Variants in PAM observed in about 807,000 individuals in gnomAD.
PAM encodes peptidylglycine alpha-amidating monooxygenase.
PAM carries 72 observed loss-of-function variants against 122.1 expected under a neutral mutation model. That is an observed-to-expected ratio of 0.59 (90% confidence interval 0.49 to 0.72). The LOEUF is 0.72. Among genes scored for constraint, PAM ranks in the 30% least tolerant of loss-of-function variants. PAM has a pLI of 0.00. For missense variants in PAM, 1,106 were observed against 1,183.7 expected (o/e 0.93, Z 0.96); for synonymous variants, 389 against 404.4 (o/e 0.96, Z 0.46).
chr5:102,899,177 A>C (rs1261314964), intron 3 of PAM, among the ~76,000 whole-genome samples: 5 of 151,658 alleles, frequency 3.3e-5, no homozygotes, highest in Admixed American at 2.6e-4. Context: ...GACAAGTTGT[A>C]AGCCAAAAAA....
intron 23 of PAM, among the ~76,000 whole-genome samples, chr5:103,021,943 T>TA (rs1400284165): frequency 3.3e-5 from 5 of 152,048 alleles, no homozygotes; most frequent in African/African-American, 1.2e-4. Context: ...TAATTATTAT[T>TA]AAAAAGGTTT....
intron 1 of PAM, among the ~76,000 whole-genome samples, chr5:102,825,997 A>C (rs1418976792): frequency 6.6e-6 from 1 of 152,206 alleles, no homozygotes. Context: ...ATTACTTAAC[A>C]AAATAAAGCC....
chr5:102,835,988 A>C (rs912593901), intron 1 of PAM, among the ~76,000 whole-genome samples: 1 of 152,200 alleles, frequency 6.6e-6, no homozygotes, highest in East Asian at 1.9e-4. Context: ...CTTTCTAGTC[A>C]AAGGGAATAA....
intron 1 of PAM, among the ~76,000 whole-genome samples, chr5:102,802,908 A>G (rs1765154638): frequency 1.3e-5 from 2 of 152,112 alleles, no homozygotes; most frequent in Non-Finnish European, 2.9e-5. Context: ...ATGTTTAGGA[A>G]AGTCATGGAG....
chr5:102,930,680 T>G (rs1751176630), intron 7 of PAM, among the ~76,000 whole-genome samples: 1 of 152,222 alleles, frequency 6.6e-6, no homozygotes, highest in Non-Finnish European at 1.5e-5. Flanking sequence ...GTAACCTGAC[T>G]GGATTTTCAT....
At chr5:102,770,233 C>T (rs1242407981) in intron 1 of PAM, among the ~76,000 whole-genome samples, 5 of 152,116 alleles carry the variant, frequency 3.3e-5, no homozygotes, top group South Asian at 4.1e-4. Flanking sequence ...TGCAACTTTA[C>T]TGAATTTGTT....
chr5:103,005,189 A>G lies in PAM; in HGVS notation c.1766A>G (p.Asp589Gly), dbSNP rs146925861. 10 of 1,534,374 alleles carry G rather than the reference A, an allele frequency of 6.5e-6. No individual in the cohort carries two copies. In the African/African-American group the frequency reaches 1.2e-4, roughly 19 times the overall value. The change falls in exon 18 of 26, where the codon GAT (aspartate) becomes GGT (glycine). Residue 589 changes from aspartate to glycine, a missense_variant. This residue lies in a region of PAM where 103 missense variants were observed against 157.9 expected (regional missense o/e 0.65). Transcript: ENST00000438793. The part of the protein sequence containing the change: ...YLPHGLSIDK[D>G]GNYWVTDVAL... Reference sequence around the variant, plus strand: ...CCACATGGCTTGAGTATAGATAAAGATGGGAATTATTGGGTCACAGACGTG... The same window carrying G: ...CCACATGGCTTGAGTATAGATAAAGGTGGGAATTATTGGGTCACAGACGTG...
intron 7 of PAM, among the ~76,000 whole-genome samples, chr5:102,944,296 T>C (rs1254853101): frequency 6.6e-6 from 1 of 152,106 alleles, no homozygotes; most frequent in Non-Finnish European, 1.5e-5. Flanking sequence ...AAAATCTTTT[T>C]AACAGGGATG....
intron 1 of PAM, among the ~76,000 whole-genome samples, chr5:102,791,343 G>A (rs1341543556): frequency 6.6e-6 from 1 of 152,012 alleles, no homozygotes; most frequent in Non-Finnish European, 1.5e-5. Flanking sequence ...GTGGCAGTCT[G>A]TATGAGAACA....
intron 1 of PAM, among the ~76,000 whole-genome samples, chr5:102,830,024 C>G (rs79943103): frequency 6.6e-6 from 1 of 152,130 alleles, no homozygotes; most frequent in South Asian, 2.1e-4. Context: ...CCTAGCAACA[C>G]GTATAGATGT....
chr5:102,821,093 C>T (rs542855478), intron 1 of PAM, among the ~76,000 whole-genome samples: 6 of 152,080 alleles, frequency 3.9e-5, no homozygotes, highest in Non-Finnish European at 8.8e-5. Flanking sequence ...TAAAGATAAA[C>T]TCTGAATTAG....
intron 24 of PAM, among the ~76,000 whole-genome samples, chr5:103,026,394 G>GAAACAGA (rs1784951557): frequency 6.6e-6 from 1 of 152,148 alleles, no homozygotes; most frequent in Admixed American, 6.6e-5. Flanking sequence ...AAAAGGCATG[G>GAAACAGA]AAACAGAAAA....
chr5:102,829,375 T>TG (rs1561559586), intron 1 of PAM, among the ~76,000 whole-genome samples: 18 of 141,222 alleles, frequency 1.3e-4, no homozygotes, highest in East Asian at 1.1e-3. Flanking sequence ...TTTTTTTTTT[T>TG]TTTTTTTTTT....
At chr5:102,797,244 T>C (rs1763605544) in intron 1 of PAM, among the ~76,000 whole-genome samples, 1 of 152,308 alleles carries the variant, frequency 6.6e-6, no homozygotes, top group East Asian at 1.9e-4. Flanking sequence ...GGTTATTTTA[T>C]GTATCTTCTG....
intron 14 of PAM, among the ~76,000 whole-genome samples, chr5:102,963,421 A>G (rs934404713): frequency 6.6e-6 from 1 of 152,002 alleles, no homozygotes; most frequent in Non-Finnish European, 1.5e-5. Flanking sequence ...AGGGGGCTTT[A>G]ATTATTCAAA....
At chr5:102,950,634 G>C in intron 11 of PAM, 83 bp from the exon 12 acceptor site, 1 of 820,552 alleles carries the variant, frequency 1.2e-6, no homozygotes. Context: ...GGTAAAGGAG[G>C]AACATACCTC....
At chr5:102,895,823 A>T (rs538964145) in intron 3 of PAM, 2 of 151,826 alleles carry the variant, frequency 1.3e-5, no homozygotes, top group Admixed American at 6.6e-5. Context: ...TGATACATAC[A>T]GTTAGTTTCT....
chr5:102,820,105 C>A (rs1241159344), intron 1 of PAM, among the ~76,000 whole-genome samples: 1 of 152,252 alleles, frequency 6.6e-6, no homozygotes, highest in South Asian at 2.1e-4. Context: ...ATTCATGACT[C>A]CTTTTCTCCA....
At chr5:102,906,784 G>C (rs985511269) in intron 4 of PAM, among the ~76,000 whole-genome samples, 1 of 151,660 alleles carries the variant, frequency 6.6e-6, no homozygotes, top group African/African-American at 2.4e-5. Context: ...TTGCCATATT[G>C]GAAATGTAGT....
Sources: gnomAD v4.1 joint callset for allele counts (sites outside exome capture counted in the v4.1 genomes callset) on GRCh38, gnomAD v4.1.1 for gene constraint, gnomAD v4.1.1 regional missense constraint, MANE v1.5 for transcripts, NCBI Gene and HGNC (gene_info 2026-07-23, HGNC 2026-07-21) for gene names.